CMYA5: variants seen among roughly 807,000 people sequenced by gnomAD.
CMYA5 encodes cardiomyopathy-associated protein 5.
Under a neutral mutation model 318.9 loss-of-function variants are expected in CMYA5, and 246 were observed. The ratio of observed to expected loss-of-function variants is 0.77; its 90% CI spans 0.70 to 0.86. The LOEUF is 0.86. Ranked by LOEUF, CMYA5 falls within the 40% of genes least tolerant of loss-of-function variation. The probability of loss-of-function intolerance (pLI) is 0.00; values close to 1 mark genes in which losing one functional copy is unlikely to be tolerated. For synonymous variants in CMYA5, 1,641 were observed against 1,729.5 expected (o/e 0.95, Z 1.27); for missense variants, 4,589 against 4,678.2 (o/e 0.98, Z 0.56).
In CMYA5 at chr5:79,729,976, G is replaced by T; in HGVS notation, c.1211G>T (p.Gly404Val). 1 of 1,614,000 alleles carries T rather than the reference G, an allele frequency of 6.2e-7. No homozygotes were observed. Among genetic ancestry groups the T allele is most frequent in the South Asian group, 1.1e-5 (1 of 91,070 alleles). ...TKEECELASP[G>V]TAASENDSSV... ...GAAGAATGTGAGCTTGCTTCACCAG[G>T]AACTGCAGCTTCAGAGAATGACTCT... The change falls in exon 2 of 13, where the codon GGA becomes GTA. Residue 404 changes from glycine to valine, a missense_variant. Gly to Val is a moderately radical substitution (Grantham distance 109). Around this residue, in one of 3 missense-constraint regions of CMYA5, gnomAD observed 2,132 missense variants for 2,131.3 expected, o/e 1.00. Transcript: ENST00000446378.
In CMYA5 at chr5:79,763,215, G is replaced by A. The variant is rs755770611; in HGVS notation, c.11555+6G>A. On this transcript the variant is annotated splice_donor_region_variant and intron_variant, in intron 9 of 12. Transcript: ENST00000446378. ...CCTGAGGGAGAGGGCCTCAGGTGAG[G>A]GGCCCTCTCCATGGGAGAGACTGCC... The A allele has an allele frequency of 1.9e-6, 3 of 1,593,352 alleles. No individual in the cohort carries two copies. In the South Asian group the frequency reaches 3.4e-5, roughly 18 times the overall value.
At chr5:79,778,794 T>C (rs1325025804) in intron 9 of CMYA5, among the ~76,000 whole-genome samples, 1 of 139,470 alleles carries the variant, frequency 7.2e-6, no homozygotes, top group Non-Finnish European at 1.5e-5. Context: ...CCATGCCGCC[T>C]GCCCCCCTCT....
chr5:79,740,879 G>C (rs191204098), intron 2 of CMYA5, among the ~76,000 whole-genome samples: 4 of 152,122 alleles, frequency 2.6e-5, no homozygotes, highest in African/African-American at 9.6e-5. Context: ...TTTTGTTTCT[G>C]TTTTTTAGAG....
rs769612220 is a variant in CMYA5 at position 79,737,143 on chromosome 5, G to A, written c.8378G>A (p.Arg2793Lys). 16 of 1,612,920 alleles carry A rather than the reference G, an allele frequency of 9.9e-6. No individual in the cohort carries two copies. The Admixed American group carries it at 2.7e-4, about 27-fold the overall frequency. The change falls in exon 2 of 13, where the codon AGG becomes AAG. Residue 2793 changes from arginine (R) to lysine (K), a missense_variant. Arg to Lys is a conservative substitution (Grantham distance 26). Transcript: ENST00000446378. ...GGATTTCCATCTAAAGAATCCGAAA[G>A]GACTTTAGCTCGTCCTTTTGATGAA... ...KEGFPSKESERTLARPFDETK... is the reference protein window; with the variant it reads ...KEGFPSKESEKTLARPFDETK...
chr5:79,753,542 G>T (rs940856106), intron 6 of CMYA5, among the ~76,000 whole-genome samples: 1 of 151,756 alleles, frequency 6.6e-6, no homozygotes, highest in Non-Finnish European at 1.5e-5. Context: ...TGAGCCTAAG[G>T]GTTCGAATCC....
chr5:79,692,632 A>T (rs2151073381), intron 1 of CMYA5, among the ~76,000 whole-genome samples: 2 of 152,348 alleles, frequency 1.3e-5, no homozygotes, highest in Admixed American at 1.3e-4. Context: ...TCTCATCTGT[A>T]AAATAATAAG....
At chr5:79,706,545 G>A (rs1056045105) in intron 1 of CMYA5, among the ~76,000 whole-genome samples, 1 of 152,138 alleles carries the variant, frequency 6.6e-6, no homozygotes, top group Admixed American at 6.5e-5. Flanking sequence ...GTCATGGCAA[G>A]ATCAGGGCGT....
chr5:79,793,330 A>G, intron 11 of CMYA5, 107 bp from the exon 12 acceptor site: 1 of 1,114,566 alleles, frequency 9.0e-7, no homozygotes, highest in Admixed American at 2.2e-5. Flanking sequence ...AGCAGTTTCC[A>G]AGGGCAGAAT....
rs3828611 is a variant in CMYA5, at chr5:79,738,839, C to T, written c.10074C>T (p.His3358=). The change falls in exon 2 of 13, where the codon CAC becomes CAT. Residue 3358 remains histidine (H), a synonymous_variant. Transcript: ENST00000446378. ...VLERADEAGS[H]GNEVGNASPE... ...AGCGTGCAGATGAAGCAGGCAGTCA[C>T]GGTAATGAAGTCGGAAATGCAAGTC... is the stretch of plus-strand genomic sequence containing the variant. 20 of 1,613,598 alleles carry T rather than the reference C, an allele frequency of 1.2e-5. 1 individual carries two copies. The highest frequency in any genetic ancestry group is 4.0e-5 in the African/African-American group (3 of 74,848).
rs562976966 is a variant in CMYA5 at position 79,768,874 on chromosome 5, T to C, written c.11555+5665T>C. On this transcript the variant is annotated intron_variant, in intron 9 of 12. Coordinates refer to ENST00000446378, the MANE Select transcript of CMYA5 (RefSeq NM_153610.5). ...AGGTTGGGGAAGTTCTCCTGGATAA[T>C]ATACTGAAGAGTGTTTTCTAACTTG... is the stretch of plus-strand genomic sequence containing the variant. 4.7e-4 allele frequency among the ~76,000 whole-genome samples: 71 copies of C among 152,212 alleles called. 1 individual carries two copies. Among genetic ancestry groups the C allele is most frequent in the African/African-American group, 1.7e-3 (69 of 41,554 alleles).
At chr5:79,714,763 T>C (rs1827482659) in intron 1 of CMYA5, among the ~76,000 whole-genome samples, 1 of 152,130 alleles carries the variant, frequency 6.6e-6, no homozygotes, top group Non-Finnish European at 1.5e-5. Context: ...CTTTTGCACA[T>C]TCTATTGAAG....
At chr5:79,787,722 C>G (rs1829105702) in intron 9 of CMYA5, among the ~76,000 whole-genome samples, 1 of 152,240 alleles carries the variant, frequency 6.6e-6, no homozygotes, top group African/African-American at 2.4e-5. Context: ...CCCCTTACCC[C>G]TGCCTTCTGA....
At chr5:79,709,535 G>A (rs58698489) in intron 1 of CMYA5, among the ~76,000 whole-genome samples, 3,892 of 150,628 alleles carry the variant, frequency 0.026, 150 homozygotes, top group African/African-American at 0.09. Context: ...GACATTATTT[G>A]CATTTTCCAC....
rs939771557 is a variant in CMYA5 at position 79,734,509 on chromosome 5, A to G, written c.5744A>G (p.Gln1915Arg). ...QHEQRIAGSVQLDSSSSNELR... is the reference protein window; with the variant it reads ...QHEQRIAGSVRLDSSSSNELR... ...GAACAGAGAATAGCAGGATCTGTGC[A>G]GCTGGATTCCTCTAGCAGCAATGAG... Residue 1915 changes from glutamine (Q) to arginine (R), a missense_variant, in exon 2 of 13, where the codon CAG becomes CGG. By Grantham distance (43) the Gln-to-Arg change is conservative. Around this residue, in one of 3 missense-constraint regions of CMYA5, gnomAD observed 2,431 missense variants for 2,495.1 expected, o/e 0.97. Transcript: ENST00000446378. 6.2e-7 allele frequency: 1 copy of G among 1,613,636 alleles called. No homozygotes were observed. The highest frequency in any genetic ancestry group is 1.1e-5 in the South Asian group (1 of 91,072).
chr5:79,730,632 G>A lies in CMYA5; in HGVS notation c.1867G>A (p.Ala623Thr), dbSNP rs756677968. 7.4e-6 allele frequency: 12 copies of A among 1,614,056 alleles called. 1 individual carries two copies. The highest frequency in any genetic ancestry group is 2.2e-5 in the East Asian group (1 of 44,886). ...GEPVPPSNVE[A>T]IAEHAVLSEE... ...GCCAGTTCCCCCATCCAATGTAGAA[G>A]CTATAGCTGAACATGCAGTTTTGTC... Residue 623 changes from alanine (A) to threonine (T), a missense_variant, in exon 2 of 13, where the codon GCT (alanine) becomes ACT (threonine). Ala to Thr is a moderately conservative substitution (Grantham distance 58). Around this residue, in one of 3 missense-constraint regions of CMYA5, gnomAD observed 2,132 missense variants for 2,131.3 expected, o/e 1.00. Transcript: ENST00000446378.
intron 3 of CMYA5, 61 bp downstream of exon 3, chr5:79,743,983 T>C: frequency 1.2e-6 from 1 of 828,340 alleles, no homozygotes. Flanking sequence ...AAGTAAATGA[T>C]TCTGAGGTGA....
intron 1 of CMYA5, among the ~76,000 whole-genome samples, chr5:79,723,794 G>T (rs560174326): frequency 2.7e-5 from 4 of 150,022 alleles, no homozygotes; most frequent in African/African-American, 7.4e-5. Flanking sequence ...AAAAAGAAAA[G>T]AAAAGGAGAT....
chr5:79,711,451 G>T, intron 1 of CMYA5, among the ~76,000 whole-genome samples: 1 of 152,220 alleles, frequency 6.6e-6, no homozygotes, highest in Non-Finnish European at 1.5e-5. Context: ...TTGGAAAGTT[G>T]AAGAGGACAG....
At chr5:79,748,524 T>TCTAC (rs1554035617) in intron 5 of CMYA5, among the ~76,000 whole-genome samples, 712 of 39,170 alleles carry the variant, frequency 0.018, 8 homozygotes, top group African/African-American at 0.14. Flanking sequence ...TATCTACCTA[T>TCTAC]CTATCTATCT....
Sources: allele counts gnomAD v4.1 joint callset (sites outside exome capture counted in the v4.1 genomes callset), GRCh38; gene constraint gnomAD v4.1.1; regional missense constraint gnomAD v4.1.1; transcripts MANE v1.5; gene names NCBI Gene and HGNC (gene_info 2026-07-23, HGNC 2026-07-21).